Variants in PAX2 observed in about 807,000 individuals in gnomAD.
PAX2 encodes the protein paired box protein Pax-2.
In PAX2, 9 loss-of-function variants were observed where a neutral mutation model predicts 41.7. The observed-to-expected ratio is 0.22, with a 90% CI of 0.13 to 0.38. The LOEUF is 0.38. Ranked by LOEUF, PAX2 falls within the 10% of genes least tolerant of loss-of-function variation. PAX2 has a pLI of 1.00. For synonymous variants in PAX2, 221 were observed against 212.7 expected (o/e 1.04, Z -0.34); for missense variants, 418 against 531.6 (o/e 0.79, Z 2.10).
At chr10:100,773,828 A>C (rs1358881524) in intron 3 of PAX2, among the ~76,000 whole-genome samples, 4 of 152,182 alleles carry the variant, frequency 2.6e-5, no homozygotes, top group African/African-American at 9.7e-5. Context: ...GTGACACAGG[A>C]CTTGTGCTCA....
At chr10:100,777,316 G>A (rs1846430728) in intron 3 of PAX2, among the ~76,000 whole-genome samples, 1 of 151,530 alleles carries the variant, frequency 6.6e-6, no homozygotes, top group South Asian at 2.1e-4. Context: ...GGTCAGGTTG[G>A]TCTCAAACTC....
chr10:100,795,044 T>C (rs762691770), intron 5 of PAX2, among the ~76,000 whole-genome samples: 2 of 152,186 alleles, frequency 1.3e-5, no homozygotes, highest in African/African-American at 4.8e-5. Context: ...GGCCCACCAA[T>C]GGGGACCTCC....
At chr10:100,739,886 G>A (rs368647082) in intron 1 of PAX2, among the ~76,000 whole-genome samples, 1 of 152,200 alleles carries the variant, frequency 6.6e-6, no homozygotes, top group Admixed American at 6.5e-5. Flanking sequence ...TCTCTCGCCC[G>A]GCCTAGGGGA....
intron 3 of PAX2, among the ~76,000 whole-genome samples, chr10:100,775,640 G>T (rs893211063): frequency 6.6e-6 from 1 of 152,128 alleles, no homozygotes; most frequent in Non-Finnish European, 1.5e-5. Flanking sequence ...CCTCAAGCCC[G>T]TCCAGTTCTC....
chr10:100,765,643 G>A (rs11819541), intron 3 of PAX2, among the ~76,000 whole-genome samples: 3,256 of 152,242 alleles, frequency 0.021, 116 homozygotes, highest in African/African-American at 0.071. Flanking sequence ...CAGATGCAGG[G>A]CCAGATGCTG....
At chr10:100,804,235 G>T (rs1023141384) in intron 5 of PAX2, among the ~76,000 whole-genome samples, 1 of 151,240 alleles carries the variant, frequency 6.6e-6, no homozygotes, top group African/African-American at 2.4e-5. Context: ...GACTCCTCCA[G>T]CCAGTGACCT....
chr10:100,749,641 T>C, intron 1 of PAX2, 105 bp from the exon 2 acceptor site: 2 of 1,516,530 alleles, frequency 1.3e-6, no homozygotes, highest in Non-Finnish European at 1.8e-6. Flanking sequence ...GAACATGCCC[T>C]TCCGCCCTGC....
rs913835926 is a variant in PAX2 at position 100,829,003 on chromosome 10, G to A, written c.*1384G>A. On this transcript the variant is annotated 3_prime_UTR_variant, in exon 10 of 10. Transcript: ENST00000355243. ...ACGCCCCGCTGTCTGTGCTGTGAGA[G>A]TCGCCGCTCGCTGGGGGGGAAGGGG... 4 of 215,768 alleles carry A rather than the reference G, an allele frequency of 1.9e-5. No homozygotes were observed. The highest frequency in any genetic ancestry group is 1.8e-4 in the Admixed American group (3 of 17,068). The allele number at this position is 215,768 out of a possible 1,614,324, so 13.4% of individuals were successfully genotyped here.
intron 6 of PAX2, among the ~76,000 whole-genome samples, chr10:100,806,815 T>C (rs1314747603): frequency 6.6e-6 from 1 of 152,184 alleles, no homozygotes; most frequent in Non-Finnish European, 1.5e-5. Flanking sequence ...TAATTAGAAA[T>C]GAGTTCTGGG....
intron 1 of PAX2, 42 bp from the exon 2 acceptor site, chr10:100,749,704 G>T (rs2133833328): frequency 1.9e-6 from 3 of 1,593,280 alleles, no homozygotes; most frequent in African/African-American, 1.3e-5. Context: ...GCCGGTCCCT[G>T]CTGTGTGTGG....
At chr10:100,808,307 C>G (rs573536180) in intron 6 of PAX2, among the ~76,000 whole-genome samples, 2 of 152,092 alleles carry the variant, frequency 1.3e-5, no homozygotes, top group Admixed American at 6.5e-5. Flanking sequence ...CGAGGCAATC[C>G]CGTCCAGCCA....
At chr10:100,782,159 G>A (rs1033733324) in intron 5 of PAX2, among the ~76,000 whole-genome samples, 8 of 152,116 alleles carry the variant, frequency 5.3e-5, no homozygotes, top group Non-Finnish European at 7.4e-5. Context: ...CAGTGTCTCC[G>A]GCCTGCGTCC....
intron 1 of PAX2, chr10:100,735,768 G>A: frequency 1.9e-6 from 2 of 1,027,898 alleles, no homozygotes; most frequent in Non-Finnish European, 2.3e-6. Context: ...CGCCGCAGGC[G>A]AGGACTAGGG....
chr10:100,751,481 G>GGAGT (rs1486482314), intron 3 of PAX2, among the ~76,000 whole-genome samples: 1 of 152,218 alleles, frequency 6.6e-6, no homozygotes, highest in African/African-American at 2.4e-5. Flanking sequence ...GGACAAGGAG[G>GGAGT]GAGTGCCAAG....
chr10:100,820,350 C>T (rs1387632129), intron 7 of PAX2, among the ~76,000 whole-genome samples: 2 of 152,186 alleles, frequency 1.3e-5, no homozygotes, highest in Non-Finnish European at 2.9e-5. Context: ...TGTGATGCAT[C>T]TTTGTGCCTT....
intron 5 of PAX2, among the ~76,000 whole-genome samples, chr10:100,789,699 G>A (rs1423372354): frequency 6.6e-6 from 1 of 152,080 alleles, no homozygotes; most frequent in Non-Finnish European, 1.5e-5. Context: ...CCAAAACACA[G>A]GGGGAAAAAA....
chr10:100,735,495 A>C, exon 1 of PAX2: 1 of 249,964 alleles, frequency 4.0e-6, no homozygotes. Flanking sequence ...GGGGTGCCGG[A>C]GCCTCTGCGC....
chr10:100,763,937 G>A (rs1032866877), intron 3 of PAX2, among the ~76,000 whole-genome samples: 1 of 152,156 alleles, frequency 6.6e-6, no homozygotes, highest in Non-Finnish European at 1.5e-5. Context: ...GGGGATAATT[G>A]TGTAGGTCTC....
intron 5 of PAX2, among the ~76,000 whole-genome samples, chr10:100,783,068 G>A (rs889494700): frequency 6.6e-5 from 10 of 152,238 alleles, no homozygotes; most frequent in Non-Finnish European, 1.0e-4. Context: ...GGCTCCTGTG[G>A]GGCAAGAAAG....
Sources: gnomAD v4.1 joint callset for allele counts (sites outside exome capture counted in the v4.1 genomes callset) on GRCh38, gnomAD v4.1.1 for gene constraint, MANE v1.5 for transcripts, NCBI Gene and HGNC (gene_info 2026-07-23, HGNC 2026-07-21) for gene names.